The following DCBLD2 variants were observed in gnomAD, a reference collection of about 807,000 sequenced individuals.
DCBLD2 encodes discoidin, CUB and LCCL domain-containing protein 2.
In DCBLD2, 54 loss-of-function variants were observed where a neutral mutation model predicts 86.8. That is an observed-to-expected ratio of 0.62 (90% confidence interval 0.50 to 0.78). The LOEUF (loss-of-function observed/expected upper bound fraction) is 0.78, where lower values mean the gene tolerates loss of function less well. Ranked by LOEUF, DCBLD2 falls within the 30% of genes least tolerant of loss-of-function variation. The probability of loss-of-function intolerance (pLI) is 0.00; values close to 1 mark genes in which losing one functional copy is unlikely to be tolerated. For synonymous variants in DCBLD2, 354 were observed against 341.3 expected, an observed-to-expected ratio of 1.04 and a Z score of -0.41; for missense variants, 908 against 954.2, an observed-to-expected ratio of 0.95 and a Z score of 0.64.
chr3:98,819,965 G>A (rs539028470), intron 7 of DCBLD2, among the ~76,000 whole-genome samples: 3 of 152,154 alleles, frequency 2.0e-5, no homozygotes, highest in African/African-American at 7.2e-5. Context: ...TAAAGAGAAG[G>A]CACTCAGTAA....
chr3:98,873,368 T>A (rs933303015), intron 2 of DCBLD2, among the ~76,000 whole-genome samples: 1 of 152,102 alleles, frequency 6.6e-6, no homozygotes, highest in African/African-American at 2.4e-5. Flanking sequence ...AGAGTAAACC[T>A]TCTCAAGTAT....
At chr3:98,898,121 T>G (rs1381832403) in intron 1 of DCBLD2, among the ~76,000 whole-genome samples, 1 of 152,016 alleles carries the variant, frequency 6.6e-6, no homozygotes, top group African/African-American at 2.4e-5. Context: ...ATGTGAAACA[T>G]CAACATAATA....
chr3:98,820,098 T>G (rs1942091860), intron 7 of DCBLD2, 150 bp downstream of exon 7: 1 of 428,400 alleles, frequency 2.3e-6, no homozygotes, highest in Admixed American at 4.5e-5. Flanking sequence ...TTTGCTCTAT[T>G]CATTATATTA....
Position 98,901,429 on chromosome 3 carries a change from C to CAAG in DCBLD2, c.-106_-104dup, listed in dbSNP as rs1943850156. Reference sequence around the variant, plus strand: ...GGAGACGGCGGCAGCGGCGGGAGAACAAGAGGCAGCCCTCGCCTCACCCCG... The same window carrying CAAG: ...GGAGACGGCGGCAGCGGCGGGAGAACAAGAAGAGGCAGCCCTCGCCTCACCCCG... On this transcript the variant is annotated 5_prime_UTR_variant, in exon 1 of 16. Coordinates refer to ENST00000326840, the MANE Select transcript of DCBLD2 (RefSeq NM_080927.4). 1.7e-6 allele frequency: 2 copies of CAAG among 1,170,786 alleles called. No homozygotes were observed. Among genetic ancestry groups the CAAG allele is most frequent in the Non-Finnish European group, 2.2e-6 (2 of 929,770 alleles). 72.5% of individuals were successfully genotyped at this position (1,170,786 alleles called of 1,614,324 possible).
At position 98,811,172 on chromosome 3, in the gene DCBLD2, G is replaced by A. The variant is rs181717905; in HGVS notation, c.1576+22C>T. 129 of 1,582,810 alleles carry A rather than the reference G, an allele frequency of 8.2e-5. 1 individual carries two copies. The highest frequency in any genetic ancestry group is 4.0e-4 in the South Asian group (34 of 84,480). The stretch of plus-strand genomic sequence containing the variant: ...AACAAAACAATACTATGTACTAGGC[G>A]TTCATTTCCATGTTTGCATACCTTT... On this transcript the variant is annotated intron_variant, in intron 12 of 15. Transcript: ENST00000326840.
chr3:98,898,437 A>G (rs1042755866), intron 1 of DCBLD2, among the ~76,000 whole-genome samples: 8 of 151,414 alleles, frequency 5.3e-5, no homozygotes, highest in Non-Finnish European at 1.2e-4. Context: ...AAGAAAAAAA[A>G]TCTATCAAAG....
intron 12 of DCBLD2, among the ~76,000 whole-genome samples, chr3:98,809,380 G>C (rs1463452489): frequency 6.6e-6 from 1 of 152,106 alleles, no homozygotes; most frequent in Admixed American, 6.5e-5. Flanking sequence ...AGAGAAAGAG[G>C]CTGAAGATAC....
chr3:98,878,536 T>C (rs1217617689), intron 2 of DCBLD2, among the ~76,000 whole-genome samples: 2 of 152,242 alleles, frequency 1.3e-5, no homozygotes, highest in Non-Finnish European at 2.9e-5. Context: ...CCTGAAATCC[T>C]GATGCCCACA....
intron 2 of DCBLD2, among the ~76,000 whole-genome samples, chr3:98,868,511 CAG>C (rs1943200889): frequency 6.6e-6 from 1 of 152,000 alleles, no homozygotes; most frequent in Non-Finnish European, 1.5e-5. Flanking sequence ...TTTTGTTACA[CAG>C]ATAAATTTTA....
intron 4 of DCBLD2, 122 bp from the exon 5 acceptor site, chr3:98,822,863 C>G: frequency 1.3e-6 from 1 of 746,288 alleles, no homozygotes; most frequent in Non-Finnish European, 2.1e-6. Flanking sequence ...TTTCACTACC[C>G]TCAAAGACCC....
intron 3 of DCBLD2, among the ~76,000 whole-genome samples, chr3:98,839,144 C>CTTCCTTCT (rs1491105632): frequency 6.3e-5 from 7 of 110,954 alleles, no homozygotes; most frequent in African/African-American, 2.5e-4. Flanking sequence ...TCCTTCCTTC[C>CTTCCTTCT]TTCTTTCTTT....
intron 3 of DCBLD2, among the ~76,000 whole-genome samples, chr3:98,845,199 C>T (rs1311000098): frequency 2.0e-5 from 3 of 151,924 alleles, no homozygotes; most frequent in Non-Finnish European, 4.4e-5. Context: ...AAAACTATTG[C>T]TCAAAGATCA....
Position 98,822,548 on chromosome 3 carries a change from T to TA in DCBLD2, c.696+120dup. The TA allele has an allele frequency of 2.4e-6, 3 of 1,244,372 alleles. No individual in the cohort carries two copies. In the South Asian group the frequency reaches 5.0e-5, roughly 21 times the overall value. The allele number at this position is 1,244,372 out of a possible 1,614,324, so 77.1% of individuals were successfully genotyped here. On this transcript the variant is annotated intron_variant, in intron 5 of 15. Coordinates refer to ENST00000326840, the MANE Select transcript of DCBLD2 (RefSeq NM_080927.4). ...AGAAAAAGAATAAAACACATATGAT[T>TA]AAAAAATGTCTTAAAAAGGCAAAAG...
At chr3:98,901,022 A>T in intron 1 of DCBLD2, 100 bp downstream of exon 1, 1 of 1,519,208 alleles carries the variant, frequency 6.6e-7, no homozygotes, top group South Asian at 1.2e-5. Context: ...ACGAAAGCGC[A>T]CCGCGCCTCC....
At chr3:98,847,818 A>G (rs916281658) in intron 3 of DCBLD2, among the ~76,000 whole-genome samples, 2 of 151,974 alleles carry the variant, frequency 1.3e-5, no homozygotes, top group Non-Finnish European at 2.9e-5. Context: ...TTCTTGTACT[A>G]GCAACACTTA....
chr3:98,816,811 T>G (rs1477189430), intron 9 of DCBLD2, among the ~76,000 whole-genome samples: 1 of 152,156 alleles, frequency 6.6e-6, no homozygotes, highest in Non-Finnish European at 1.5e-5. Context: ...AGACAGAGTC[T>G]CCCTCTGTCG....
intron 10 of DCBLD2, 21 bp downstream of exon 10, chr3:98,812,311 T>C (rs1330761359): frequency 3.7e-6 from 6 of 1,611,442 alleles, no homozygotes; most frequent in Non-Finnish European, 5.1e-6. Flanking sequence ...AAAACATATC[T>C]TAAACGAACT....
intron 1 of DCBLD2, among the ~76,000 whole-genome samples, chr3:98,888,038 G>C (rs1156236269): frequency 6.6e-6 from 1 of 151,942 alleles, no homozygotes; most frequent in East Asian, 1.9e-4. Context: ...GGTCTCCCTA[G>C]TTTTGCCTTT....
In DCBLD2 at chr3:98,819,193, T is replaced by C. The variant is rs1298415004; in HGVS notation, c.1087+9A>G. On this transcript the variant is annotated intron_variant, in intron 8 of 15. Coordinates refer to ENST00000326840, the MANE Select transcript of DCBLD2 (RefSeq NM_080927.4). Reference sequence around the variant, plus strand: ...TACAAATTGCTTTAGAAAATTTTTGTCTCTTAACCTGTTATTTTCTTTTCC... The same window carrying C: ...TACAAATTGCTTTAGAAAATTTTTGCCTCTTAACCTGTTATTTTCTTTTCC... 2 of 1,535,424 alleles carry C rather than the reference T, an allele frequency of 1.3e-6. No homozygotes were observed. The highest frequency in any genetic ancestry group is 1.8e-6 in the Non-Finnish European group (2 of 1,136,890).
Sources: allele counts gnomAD v4.1 joint callset (sites outside exome capture counted in the v4.1 genomes callset), GRCh38; gene constraint gnomAD v4.1.1; transcripts MANE v1.5; gene names NCBI Gene and HGNC (gene_info 2026-07-23, HGNC 2026-07-21).